Variants in PPP2R2B observed in about 807,000 individuals in gnomAD.
PPP2R2B encodes the protein protein phosphatase 2 regulatory subunit Bbeta.
Under a neutral mutation model 46.0 loss-of-function variants are expected in PPP2R2B, and 5 were observed. That is an observed-to-expected ratio of 0.11 (90% CI 0.06 to 0.23). The LOEUF (loss-of-function observed/expected upper bound fraction) is 0.23. Ranked by LOEUF, PPP2R2B falls within the 10% of genes least tolerant of loss-of-function variation. The probability of loss-of-function intolerance (pLI) is 1.00; values close to 1 mark genes in which losing one functional copy is unlikely to be tolerated. For missense variants in PPP2R2B, 367 were observed against 575.0 expected (o/e 0.64, Z 3.70); for synonymous variants, 215 against 206.7 (o/e 1.04, Z -0.34).
At chr5:146,840,431 T>TACTATA (rs1208173558) in intron 2 of PPP2R2B, among the ~76,000 whole-genome samples, 3 of 152,254 alleles carry the variant, frequency 2.0e-5, no homozygotes, top group Non-Finnish European at 4.4e-5. Context: ...CATATAGTAG[T>TACTATA]TGCTTAATAA....
chr5:146,886,965 T>G lies in PPP2R2B; in HGVS notation c.79+168700A>C, dbSNP rs145965502. 3.1e-3 allele frequency among the ~76,000 whole-genome samples: 465 copies of G among 152,048 alleles called. 2 individuals are homozygous for G. Among genetic ancestry groups the G allele is most frequent in the African/African-American group, 0.011 (445 of 41,514 alleles). Reference sequence around the variant, plus strand: ...AATTCTGGTCACATATAAAAACATATATGTGACCAGAATGTATAGAACGGC... The same window carrying G: ...AATTCTGGTCACATATAAAAACATAGATGTGACCAGAATGTATAGAACGGC... On this transcript the variant is annotated intron_variant, in intron 1 of 8. Coordinates refer to the PPP2R2B transcript ENST00000336640.
At chr5:147,037,481 T>G (rs1350329566) in intron 1 of PPP2R2B, among the ~76,000 whole-genome samples, 2 of 152,040 alleles carry the variant, frequency 1.3e-5, no homozygotes, top group African/African-American at 4.8e-5. Flanking sequence ...TATCAATATA[T>G]ACATAAATAC....
Position 146,708,866 on chromosome 5 carries a change from C to T in PPP2R2B, c.71-7724G>A, listed in dbSNP as rs560512223. ...GCTACGTTATCCATGAAGTATTCTA[C>T]CTTTTCACCTATGCCCTTGTCTAAA... On this transcript the variant is annotated intron_variant, in intron 2 of 9. Coordinates refer to ENST00000394411, the MANE Select transcript of PPP2R2B (RefSeq NM_181675.4). Among the ~76,000 whole-genome samples the T allele has an allele frequency of 2.0e-5, 3 of 152,292 alleles. No individual in the cohort carries two copies. In the East Asian group the frequency reaches 5.8e-4, roughly 29 times the overall value.
intron 1 of PPP2R2B, among the ~76,000 whole-genome samples, chr5:147,033,416 T>C (rs1755888788): frequency 6.6e-6 from 1 of 152,174 alleles, no homozygotes; most frequent in Admixed American, 6.5e-5. Context: ...GGAACAGAGG[T>C]GTGTCTATCT....
At chr5:146,707,541 A>G in intron 2 of PPP2R2B, 3 of 724,352 alleles carry the variant, frequency 4.1e-6, no homozygotes, top group Admixed American at 1.9e-5. Context: ...GAGCAGCTGC[A>G]GAAGGCCCGG....
intron 5 of PPP2R2B, among the ~76,000 whole-genome samples, chr5:146,669,323 G>A (rs976158586): frequency 6.6e-6 from 1 of 152,100 alleles, no homozygotes; most frequent in Non-Finnish European, 1.5e-5. Flanking sequence ...TGAGATGGGG[G>A]AGGGGAGTTA....
intron 2 of PPP2R2B, among the ~76,000 whole-genome samples, chr5:146,749,637 T>C (rs1753422802): frequency 7.0e-6 from 1 of 142,892 alleles, no homozygotes; most frequent in Admixed American, 7.4e-5. Context: ...CGAGATGGAG[T>C]CTCAGTCTGT....
At chr5:146,896,031 C>T (rs1227394528) in intron 1 of PPP2R2B, among the ~76,000 whole-genome samples, 6 of 151,810 alleles carry the variant, frequency 4.0e-5, no homozygotes, top group East Asian at 1.9e-4. Context: ...TCTGAGTGGT[C>T]GCCTGGCTCT....
chr5:146,742,505 G>A (rs1167011222), intron 2 of PPP2R2B, among the ~76,000 whole-genome samples: 2 of 152,074 alleles, frequency 1.3e-5, no homozygotes, highest in Non-Finnish European at 2.9e-5. Flanking sequence ...TTCACACTAT[G>A]CATTGATATT....
chr5:147,061,673 G>T (rs1294516664), intron 2 of PPP2R2B, among the ~76,000 whole-genome samples: 3 of 152,130 alleles, frequency 2.0e-5, no homozygotes, highest in African/African-American at 7.2e-5. Context: ...CAAGAGAGAG[G>T]TGGGAAGCTA....
At chr5:146,977,166 C>T (rs771446075) in intron 1 of PPP2R2B, among the ~76,000 whole-genome samples, 1 of 152,062 alleles carries the variant, frequency 6.6e-6, no homozygotes, top group East Asian at 1.9e-4. Context: ...TTTCACCCCC[C>T]GACAAGGTCC....
At chr5:146,828,973 G>A (rs563317651) in intron 2 of PPP2R2B, among the ~76,000 whole-genome samples, 135 of 152,246 alleles carry the variant, frequency 8.9e-4, no homozygotes, top group African/African-American at 2.9e-3. Context: ...ACAGCCTTCC[G>A]AATCAGGAAT....
chr5:146,621,851 G>T (rs978782816), intron 7 of PPP2R2B, among the ~76,000 whole-genome samples: 1 of 152,176 alleles, frequency 6.6e-6, no homozygotes, highest in African/African-American at 2.4e-5. Flanking sequence ...TAATGACTTG[G>T]TCATGGGGAA....
At chr5:147,031,842 CA>C (rs1755801325) in intron 1 of PPP2R2B, among the ~76,000 whole-genome samples, 1 of 152,086 alleles carries the variant, frequency 6.6e-6, no homozygotes, top group South Asian at 2.1e-4. Context: ...TGCCTAGCCA[CA>C]TGTAGGATAA....
chr5:146,814,605 A>C (rs560793154), intron 2 of PPP2R2B, among the ~76,000 whole-genome samples: 5 of 152,348 alleles, frequency 3.3e-5, no homozygotes, highest in East Asian at 1.9e-4. Flanking sequence ...AAGCATGCGC[A>C]CTAAGGCAAA....
At chr5:146,707,767 T>A (rs1348585807) in intron 2 of PPP2R2B, among the ~76,000 whole-genome samples, 2 of 152,214 alleles carry the variant, frequency 1.3e-5, no homozygotes, top group African/African-American at 4.8e-5. Flanking sequence ...AAACTAAGTT[T>A]CCTTTACAAT....
rs116897646 is a variant in PPP2R2B, at chr5:146,888,608, T to C, written c.79+167057A>G. Among the ~76,000 whole-genome samples, 178 of 152,304 alleles carry C rather than the reference T, an allele frequency of 1.2e-3. 1 individual carries two copies. In the East Asian group the frequency reaches 0.02, roughly 18 times the overall value. Reference sequence around the variant, plus strand: ...TTTCCGCTCAAAGGCTTTTATTGGCTTCCTACACATTCAGACTAAAACTTT... The same window carrying C: ...TTTCCGCTCAAAGGCTTTTATTGGCCTCCTACACATTCAGACTAAAACTTT... On this transcript the variant is annotated intron_variant, in intron 1 of 8. Coordinates refer to the PPP2R2B transcript ENST00000336640.
At chr5:146,949,418 T>A (rs1463509095) in intron 1 of PPP2R2B, among the ~76,000 whole-genome samples, 2 of 152,068 alleles carry the variant, frequency 1.3e-5, no homozygotes, top group Non-Finnish European at 2.9e-5. Context: ...ATGTCATTGA[T>A]CATCTGAGAA....
At chr5:146,993,259 T>G (rs1336528392) in intron 1 of PPP2R2B, among the ~76,000 whole-genome samples, 1 of 146,588 alleles carries the variant, frequency 6.8e-6, no homozygotes, top group African/African-American at 2.5e-5. Flanking sequence ...AAAAATTTTT[T>G]TGAGACAGGG....
Sources: gnomAD v4.1 joint callset for allele counts (sites outside exome capture counted in the v4.1 genomes callset) on GRCh38, gnomAD v4.1.1 for gene constraint, MANE v1.5 for transcripts, NCBI Gene and HGNC (gene_info 2026-07-23, HGNC 2026-07-21) for gene names.